The following ALDH1A1 variants were observed in gnomAD, a reference collection of about 807,000 sequenced individuals.
ALDH1A1 encodes aldehyde dehydrogenase 1 family member A1.
Under a neutral mutation model 62.1 loss-of-function variants are expected in ALDH1A1, and 19 were observed. That is an observed-to-expected ratio of 0.31 (90% CI 0.21 to 0.45). The LOEUF is 0.45. Among genes scored for constraint, ALDH1A1 ranks in the 20% least tolerant of loss-of-function variants. ALDH1A1 has a pLI of 1.00. For missense variants in ALDH1A1, 521 were observed against 607.1 expected (o/e 0.86, Z 1.49); for synonymous variants, 231 against 215.9 (o/e 1.07, Z -0.61).
At chr9:72,920,284 T>TA in intron 7 of ALDH1A1, among the ~76,000 whole-genome samples, 1 of 152,224 alleles carries the variant, frequency 6.6e-6, no homozygotes, top group East Asian at 1.9e-4. Flanking sequence ...AAAAGATTAA[T>TA]AAAAAATAAA....
chr9:72,932,296 T>G (rs1011980717), intron 2 of ALDH1A1, among the ~76,000 whole-genome samples: 11 of 152,162 alleles, frequency 7.2e-5, no homozygotes, highest in African/African-American at 2.7e-4. Context: ...TTGTACACAA[T>G]TAAGCTAAAT....
chr9:72,926,591 A>G (rs1181557489), intron 5 of ALDH1A1, among the ~76,000 whole-genome samples: 1 of 152,226 alleles, frequency 6.6e-6, no homozygotes, highest in Non-Finnish European at 1.5e-5. Context: ...AAGGTAAAAT[A>G]TATTCCATGC....
chr9:72,919,668 C>A (rs1830112798), intron 7 of ALDH1A1, among the ~76,000 whole-genome samples: 1 of 152,216 alleles, frequency 6.6e-6, no homozygotes, highest in Non-Finnish European at 1.5e-5. Flanking sequence ...GTATCTATGA[C>A]AGAAGGCTCA....
Position 72,952,831 on chromosome 9 carries a change from C to T in ALDH1A1, c.66+104G>A, listed in dbSNP as rs559216551. On this transcript the variant is annotated intron_variant, in intron 1 of 12. Coordinates refer to ENST00000297785, the MANE Select transcript of ALDH1A1 (RefSeq NM_000689.5). ...TGCATGCCTTTTATTTTTATATTTG[C>T]AAAGGGCTCTTTACACAAGTTTACT... The T allele has an allele frequency of 2.1e-5, 27 of 1,304,220 alleles. No homozygotes were observed. In the Admixed American group the frequency reaches 5.3e-4, roughly 25 times the overall value. The allele number at this position is 1,304,220 out of a possible 1,614,324, so 80.8% of individuals were successfully genotyped here.
chr9:72,927,022 A>G (rs918955852), intron 5 of ALDH1A1, 94 bp downstream of exon 5: 6 of 917,204 alleles, frequency 6.5e-6, no homozygotes, highest in South Asian at 1.9e-5. Flanking sequence ...TAACAAATAC[A>G]TAAGCATCCA....
At chr9:72,931,052 T>C in intron 2 of ALDH1A1, 33 bp from the exon 3 acceptor site, 1 of 1,613,292 alleles carries the variant, frequency 6.2e-7, no homozygotes, top group Non-Finnish European at 8.5e-7. Context: ...TTCAGTAAGC[T>C]AAACATATTA....
In ALDH1A1 at chr9:72,916,913, T is replaced by C. The variant is rs760571486; in HGVS notation, c.1035+7A>G. 1.9e-6 allele frequency: 3 copies of C among 1,600,572 alleles called. No individual in the cohort carries two copies. Among genetic ancestry groups the C allele is most frequent in the Non-Finnish European group, 2.6e-6 (3 of 1,173,202 alleles). The stretch of plus-strand genomic sequence containing the variant: ...TGAAAATGCTATCCTTTCTATTTTA[T>C]ACTTACCTGAGGGCCTTGAGTGACT... On this transcript the variant is annotated splice_region_variant and intron_variant, in intron 9 of 12. Transcript: ENST00000297785.
intron 1 of ALDH1A1, among the ~76,000 whole-genome samples, chr9:72,945,006 A>G (rs558772615): frequency 4.5e-4 from 68 of 152,140 alleles, no homozygotes; most frequent in Non-Finnish European, 9.6e-4. Flanking sequence ...TAAGAAATGC[A>G]TCATTTTACC....
chr9:72,952,222 A>C (rs1482549740), intron 1 of ALDH1A1, among the ~76,000 whole-genome samples: 1 of 151,964 alleles, frequency 6.6e-6, no homozygotes, highest in Non-Finnish European at 1.5e-5. Flanking sequence ...TGAAACAGGC[A>C]AAGTTCAGAG....
intron 7 of ALDH1A1, among the ~76,000 whole-genome samples, chr9:72,919,385 C>T (rs772300793): frequency 1.1e-4 from 17 of 152,014 alleles, no homozygotes; most frequent in Admixed American, 5.9e-4. Flanking sequence ...ATTATTTGTC[C>T]ACCCCAACCT....
intron 1 of ALDH1A1, chr9:72,942,338 C>G (rs1251876269): frequency 1.0e-6 from 1 of 985,204 alleles, no homozygotes; most frequent in Non-Finnish European, 1.2e-6. Flanking sequence ...TTATGCTGCT[C>G]TCACCCCAAA....
At chr9:72,922,445 T>C (rs1479068174) in intron 7 of ALDH1A1, among the ~76,000 whole-genome samples, 5 of 151,982 alleles carry the variant, frequency 3.3e-5, no homozygotes, top group African/African-American at 1.2e-4. Flanking sequence ...GAAGATGAGA[T>C]CAGCAAACAG....
At position 72,916,989 on chromosome 9, in the gene ALDH1A1, C is replaced by T. The variant is rs754968883; in HGVS notation, c.966G>A (p.Arg322=). 6.2e-6 allele frequency: 10 copies of T among 1,613,920 alleles called. No homozygotes were observed. The highest frequency in any genetic ancestry group is 8.5e-6 in the Non-Finnish European group (10 of 1,179,894). The stretch of plus-strand genomic sequence containing the variant: ...TATACTTCTTAGCCCGCTCAACACT[C>T]CTTCGAACAAACTCATCATAAATTG... ...EESIYDEFVR[R]SVERAKKYIL... Residue 322 remains arginine (R), a synonymous_variant, in exon 9 of 13, where the codon AGG becomes AGA. Transcript: ENST00000297785.
At chr9:72,950,988 C>T (rs886936028) in intron 1 of ALDH1A1, among the ~76,000 whole-genome samples, 13 of 151,728 alleles carry the variant, frequency 8.6e-5, no homozygotes, top group African/African-American at 2.7e-4. Context: ...ACATAACTGG[C>T]GTCCTCCCAA....
intron 1 of ALDH1A1, among the ~76,000 whole-genome samples, chr9:72,946,117 T>C (rs1830470707): frequency 6.6e-6 from 1 of 152,012 alleles, no homozygotes; most frequent in Admixed American, 6.6e-5. Context: ...CTGTACATCA[T>C]ATATTTTCTG....
At chr9:72,948,448 T>C (rs987417431) in intron 1 of ALDH1A1, among the ~76,000 whole-genome samples, 1 of 151,904 alleles carries the variant, frequency 6.6e-6, no homozygotes, top group Non-Finnish European at 1.5e-5. Flanking sequence ...CCTTATTCAC[T>C]TTACTCCAGC....
At chr9:72,932,430 T>A (rs1017709438) in intron 2 of ALDH1A1, among the ~76,000 whole-genome samples, 1 of 152,144 alleles carries the variant, frequency 6.6e-6, no homozygotes, top group Non-Finnish European at 1.5e-5. Flanking sequence ...AAAACTATTC[T>A]TCTAGTATTT....
chr9:72,908,504 GACGA>G lies in ALDH1A1; in HGVS notation c.1358+1094_1358+1097del, dbSNP rs1313915057. Among the ~76,000 whole-genome samples, 85 of 31,796 alleles carry G rather than the reference GACGA, an allele frequency of 2.7e-3. 2 individuals carry two copies. Among genetic ancestry groups the G allele is most frequent in the African/African-American group, 4.1e-3 (35 of 8,512 alleles). 20.9% of individuals were successfully genotyped at this position (31,796 alleles called of 152,430 possible). A position where few individuals can be genotyped will look rare whatever the true frequency, so the allele number is the denominator to read the frequency against. On this transcript the variant is annotated intron_variant, in intron 11 of 12. Transcript: ENST00000297785. ...AGAGAAAGAGAAAGAGAGAGAGAGA[GACGA>G]AAGAAAGAAAGAAAGAAAGAAAGAA...
At chr9:72,949,544 T>C (rs1394296310) in intron 1 of ALDH1A1, among the ~76,000 whole-genome samples, 2 of 151,984 alleles carry the variant, frequency 1.3e-5, no homozygotes, top group Non-Finnish European at 2.9e-5. Context: ...ACAGGAATAG[T>C]AACCTCCTCA....
Sources: allele counts gnomAD v4.1 joint callset (sites outside exome capture counted in the v4.1 genomes callset), GRCh38; gene constraint gnomAD v4.1.1; transcripts MANE v1.5; gene names NCBI Gene and HGNC (gene_info 2026-07-23, HGNC 2026-07-21).